The following SRPK2 variants were observed in gnomAD, a reference collection of about 807,000 sequenced individuals.
SRPK2 encodes SFRS protein kinase 2.
SRPK2 carries 21 observed loss-of-function variants against 90.8 expected under a neutral mutation model. The ratio of observed to expected loss-of-function variants is 0.23; its 90% CI spans 0.16 to 0.33. The LOEUF (loss-of-function observed/expected upper bound fraction) is 0.33, where lower values mean the gene tolerates loss of function less well. Among genes scored for constraint, SRPK2 ranks in the 10% least tolerant of loss-of-function variants. The pLI, the probability that SRPK2 is intolerant of heterozygous loss-of-function variation, is 1.00. For synonymous variants in SRPK2, 288 were observed against 311.1 expected (o/e 0.93, Z 0.78); for missense variants, 620 against 869.0 (o/e 0.71, Z 3.60).
intron 2 of SRPK2, among the ~76,000 whole-genome samples, chr7:105,360,755 C>A (rs1818334539): frequency 6.6e-6 from 1 of 152,110 alleles, no homozygotes; most frequent in Non-Finnish European, 1.5e-5. Context: ...TGATGGGCTT[C>A]CCTTTGTGGG....
At chr7:105,390,291 G>T (rs938009080), upstream of SRPK2, among the ~76,000 whole-genome samples, 8 of 152,190 alleles carry the variant, frequency 5.3e-5, no homozygotes, top group African/African-American at 1.9e-4. Flanking sequence ...AAATATCCCA[G>T]TAATATCCCT....
chr7:105,126,018 G>A (rs1032819713), intron 15 of SRPK2: 1 of 654,542 alleles, frequency 1.5e-6, no homozygotes, highest in Non-Finnish European at 2.6e-6. Context: ...CGCGTTGCTG[G>A]ATTCAGGATC....
At chr7:105,293,885 A>C (rs1313288116) in intron 2 of SRPK2, among the ~76,000 whole-genome samples, 1 of 152,166 alleles carries the variant, frequency 6.6e-6, no homozygotes, top group Admixed American at 6.5e-5. Context: ...AACTGACCTA[A>C]TCTCTTAGAA....
chr7:105,142,299 C>G lies in SRPK2; in HGVS notation c.1252G>C (p.Asp418His), dbSNP rs1172482981. The G allele has an allele frequency of 1.2e-5, 19 of 1,613,952 alleles. No individual in the cohort carries two copies. The highest frequency in any genetic ancestry group is 1.6e-5 in the Non-Finnish European group (19 of 1,180,010). ...TTATATTCCTCAGGATTTGGGCAGT[C>G]TTCTTCATCATCATCTTCATCGTCC... ...QLDDEDDDEEDCPNPEEYNLD... is the reference protein window; with the variant it reads ...QLDDEDDDEEHCPNPEEYNLD... Residue 418 changes from aspartate (D) to histidine (H), a missense_variant, in exon 11 of 16, where the codon GAC becomes CAC. Coordinates refer to ENST00000393651, the MANE Select transcript of SRPK2 (RefSeq NM_182692.3).
chr7:105,366,540 T>C (rs1819084807), intron 2 of SRPK2, among the ~76,000 whole-genome samples: 1 of 151,996 alleles, frequency 6.6e-6, no homozygotes, highest in Non-Finnish European at 1.5e-5. Flanking sequence ...CAGCTAATTT[T>C]TGTATTTTTA....
chr7:105,126,868 A>G lies in SRPK2; in HGVS notation c.1822+125T>C, dbSNP rs557897061. On this transcript the variant is annotated intron_variant, in intron 14 of 15. Transcript: ENST00000393651. ...GGGGCATCAAACTCAAAGGAAAAGC[A>G]TCTGAATTTGGTGTTTGAAAACCAA... 77 of 916,046 alleles carry G rather than the reference A, an allele frequency of 8.4e-5. No homozygotes were observed. The African/African-American group carries it at 1.1e-3, about 14-fold the overall frequency. 56.7% of individuals were successfully genotyped at this position (916,046 alleles called of 1,614,324 possible).
At chr7:105,181,330 CAG>C (rs1792770333) in intron 3 of SRPK2, among the ~76,000 whole-genome samples, 1 of 152,202 alleles carries the variant, frequency 6.6e-6, no homozygotes. Context: ...GAAATTTAAA[CAG>C]AGTTATCATT....
intron 2 of SRPK2, among the ~76,000 whole-genome samples, chr7:105,361,465 A>G (rs1230531544): frequency 6.6e-6 from 1 of 152,200 alleles, no homozygotes; most frequent in East Asian, 1.9e-4. Flanking sequence ...ACAGAATTGG[A>G]AAAAACTACT....
chr7:105,249,237 T>G (rs1039017754), intron 2 of SRPK2, among the ~76,000 whole-genome samples: 1 of 152,216 alleles, frequency 6.6e-6, no homozygotes, highest in African/African-American at 2.4e-5. Context: ...AAAACATAGC[T>G]TTTAGAGCAT....
chr7:105,344,671 C>T (rs1353020197), intron 2 of SRPK2, among the ~76,000 whole-genome samples: 1 of 151,536 alleles, frequency 6.6e-6, no homozygotes, highest in Non-Finnish European at 1.5e-5. Flanking sequence ...AGTTTGCAGA[C>T]CCCTGCTCTA....
At chr7:105,197,356 C>T (rs1195515279) in intron 3 of SRPK2, among the ~76,000 whole-genome samples, 1 of 152,064 alleles carries the variant, frequency 6.6e-6, no homozygotes, top group East Asian at 1.9e-4. Flanking sequence ...ATATGTCACT[C>T]AAATGTGTGT....
rs371451921 is a variant in SRPK2 at position 105,351,127 on chromosome 7, G to A, written c.71+37521C>T. 1.7e-3 allele frequency among the ~76,000 whole-genome samples: 255 copies of A among 152,092 alleles called. 2 individuals are homozygous for A. Among genetic ancestry groups the A allele is most frequent in the Non-Finnish European group, 3.2e-3 (216 of 67,998 alleles). On this transcript the variant is annotated intron_variant, in intron 2 of 15. Transcript: ENST00000393651. Reference sequence around the variant, plus strand: ...CCTATTCATGGATTAATGAGTTAACGAATTTTAACGGATTATCCTGGGAGT... The same window carrying A: ...CCTATTCATGGATTAATGAGTTAACAAATTTTAACGGATTATCCTGGGAGT...
At chr7:105,291,742 T>G (rs1809056660) in intron 2 of SRPK2, among the ~76,000 whole-genome samples, 1 of 148,766 alleles carries the variant, frequency 6.7e-6, no homozygotes, top group Non-Finnish European at 1.5e-5. Flanking sequence ...GGGGAGGGGG[T>G]CTCAAATAAA....
At chr7:105,144,627 A>AGG (rs1040666949) in intron 9 of SRPK2, among the ~76,000 whole-genome samples, 4 of 152,226 alleles carry the variant, frequency 2.6e-5, no homozygotes, top group African/African-American at 9.6e-5. Flanking sequence ...AATTAGAACA[A>AGG]CAGCTTCAGA....
At chr7:105,123,108 T>G (rs767728729) in intron 15 of SRPK2, among the ~76,000 whole-genome samples, 8 of 152,150 alleles carry the variant, frequency 5.3e-5, no homozygotes, top group Non-Finnish European at 1.0e-4. Context: ...ACGTGCTGAT[T>G]TCTATTGGAC....
intron 2 of SRPK2, among the ~76,000 whole-genome samples, chr7:105,246,286 C>T (rs1801651985): frequency 6.6e-6 from 1 of 152,136 alleles, no homozygotes; most frequent in African/African-American, 2.4e-5. Flanking sequence ...TTATTCCCTC[C>T]CCCTCACCCT....
intron 2 of SRPK2, among the ~76,000 whole-genome samples, chr7:105,387,591 A>G (rs975257293): frequency 1.3e-5 from 2 of 151,596 alleles, no homozygotes; most frequent in African/African-American, 2.4e-5. Context: ...CGAGAAGGGG[A>G]AAAAAGTGAG....
intron 13 of SRPK2, among the ~76,000 whole-genome samples, chr7:105,131,344 A>G (rs996932714): frequency 1.3e-5 from 2 of 152,154 alleles, no homozygotes; most frequent in Non-Finnish European, 2.9e-5. Flanking sequence ...TCACACAGAG[A>G]GGGTCAAATG....
chr7:105,277,168 C>T (rs370696851), intron 2 of SRPK2, among the ~76,000 whole-genome samples: 1 of 152,092 alleles, frequency 6.6e-6, no homozygotes, highest in East Asian at 1.9e-4. Context: ...GCTCCGCCTC[C>T]CGGGTTCACA....
Sources: gnomAD v4.1 joint callset for allele counts (sites outside exome capture counted in the v4.1 genomes callset) on GRCh38, gnomAD v4.1.1 for gene constraint, MANE v1.5 for transcripts, NCBI Gene and HGNC (gene_info 2026-07-23, HGNC 2026-07-21) for gene names.